The following PLEKHB2 variants were observed in gnomAD, a reference collection of about 807,000 sequenced individuals.
PLEKHB2 encodes the protein pleckstrin homology domain-containing family B member 2.
PLEKHB2 carries 31 observed loss-of-function variants against 36.5 expected under a neutral mutation model. The observed-to-expected ratio is 0.85, with a 90% confidence interval of 0.64 to 1.15. PLEKHB2 has a LOEUF of 1.15. Among genes scored for constraint, PLEKHB2 ranks in the 50% most tolerant of loss-of-function variants. The probability of loss-of-function intolerance (pLI) is 0.00; values close to 1 mark genes in which losing one functional copy is unlikely to be tolerated. For missense variants in PLEKHB2, 262 were observed against 295.3 expected (o/e 0.89, Z 0.83); for synonymous variants, 119 against 112.0 (o/e 1.06, Z -0.39).
chr2:131,141,639 CA>C (rs771541896), intron 7 of PLEKHB2, among the ~76,000 whole-genome samples: 7,136 of 57,160 alleles, frequency 0.12, 374 homozygotes, highest in African/African-American at 0.3. Context: ...GACTCCGTCT[CA>C]AAAAAAAAAA....
At position 131,146,819 on chromosome 2, in the gene PLEKHB2, C is replaced by G; in HGVS notation, c.*46C>G. The G allele has an allele frequency of 6.7e-7, 1 of 1,491,050 alleles. No individual in the cohort carries two copies. The highest frequency in any genetic ancestry group is 2.4e-5 in the East Asian group (1 of 42,418). 92.4% of individuals were successfully genotyped at this position (1,491,050 alleles called of 1,614,324 possible). On this transcript the variant is annotated 3_prime_UTR_variant, in exon 8 of 8. Coordinates refer to ENST00000693505, the MANE Select transcript of PLEKHB2 (RefSeq NM_001100623.2). ...GCATAGCTTCTGATAACCCTGTGTG[C>G]AATAATATGATTTGCAGGGCATTTC...
At chr2:131,114,186 C>T (rs1331296374) in intron 1 of PLEKHB2, among the ~76,000 whole-genome samples, 3 of 152,092 alleles carry the variant, frequency 2.0e-5, no homozygotes, top group Non-Finnish European at 4.4e-5. Context: ...AGTGCAGTGG[C>T]GTGATCTCAG....
intron 1 of PLEKHB2, among the ~76,000 whole-genome samples, chr2:131,105,998 CT>C (rs1231320504): frequency 5.3e-5 from 8 of 152,222 alleles, no homozygotes; most frequent in African/African-American, 1.4e-4. Context: ...TCCGCCCCCG[CT>C]GCATTTCACC....
chr2:131,141,926 G>A (rs977801370), intron 7 of PLEKHB2, among the ~76,000 whole-genome samples: 2 of 152,204 alleles, frequency 1.3e-5, no homozygotes, highest in African/African-American at 4.8e-5. Context: ...ATACATACAT[G>A]TAAGATTAAT....
chr2:131,125,402 C>T (rs1696989659), intron 2 of PLEKHB2, among the ~76,000 whole-genome samples: 1 of 152,238 alleles, frequency 6.6e-6, no homozygotes, highest in South Asian at 2.1e-4. Flanking sequence ...CTGTGCTCTG[C>T]TTTCCCTTTC....
intron 1 of PLEKHB2, among the ~76,000 whole-genome samples, chr2:131,105,703 C>T (rs541097863): frequency 3.3e-5 from 5 of 152,304 alleles, no homozygotes; most frequent in African/African-American, 9.6e-5. Flanking sequence ...GCTTCCCCGG[C>T]GTCCGCCTCC....
intron 7 of PLEKHB2, among the ~76,000 whole-genome samples, chr2:131,145,291 TCTG>T (rs1302760389): frequency 2.6e-5 from 4 of 152,204 alleles, no homozygotes; most frequent in Non-Finnish European, 4.4e-5. Context: ...GGGTTTCACT[TCTG>T]CTCTTCATCC....
intron 2 of PLEKHB2, among the ~76,000 whole-genome samples, chr2:131,121,475 C>G (rs1467224219): frequency 1.3e-5 from 2 of 151,914 alleles, no homozygotes; most frequent in Non-Finnish European, 2.9e-5. Context: ...CTCAAACTCC[C>G]GACCTCAGGT....
At chr2:131,146,600 C>T (rs771311963) in intron 7 of PLEKHB2, 37 bp from the exon 8 acceptor site, 41 of 1,579,134 alleles carry the variant, frequency 2.6e-5, no homozygotes, top group Admixed American at 1.4e-4. Flanking sequence ...CTTCACAAAC[C>T]GCTGCTCAGA....
intron 1 of PLEKHB2, among the ~76,000 whole-genome samples, chr2:131,109,130 C>T (rs1176210537): frequency 2.6e-5 from 4 of 152,018 alleles, no homozygotes; most frequent in African/African-American, 4.8e-5. Context: ...CCCAGGAGTT[C>T]GAGACCAGCT....
chr2:131,126,309 C>A (rs367977667), intron 3 of PLEKHB2, among the ~76,000 whole-genome samples: 1 of 152,060 alleles, frequency 6.6e-6, no homozygotes, highest in Non-Finnish European at 1.5e-5. Context: ...GGGTGGATCA[C>A]GAGGGCAGGA....
At chr2:131,118,956 T>G (rs1430703703) in intron 1 of PLEKHB2, 1 of 147,834 alleles carries the variant, frequency 6.8e-6, no homozygotes, top group Non-Finnish European at 1.5e-5. Context: ...TAACTATTGA[T>G]TTCAAAAAAT....
intron 1 of PLEKHB2, among the ~76,000 whole-genome samples, chr2:131,105,637 G>T (rs797000453): frequency 7.9e-5 from 12 of 152,036 alleles, no homozygotes; most frequent in African/African-American, 2.9e-4. Context: ...CCCTAGAGCA[G>T]CCCATTCGAG....
chr2:131,111,131 A>G (rs1695274598), intron 1 of PLEKHB2, among the ~76,000 whole-genome samples: 1 of 151,920 alleles, frequency 6.6e-6, no homozygotes, highest in Non-Finnish European at 1.5e-5. Flanking sequence ...CAGCCTGCTC[A>G]GTAGCTGGGA....
At chr2:131,132,687 C>T (rs1697829140) in intron 5 of PLEKHB2, among the ~76,000 whole-genome samples, 1 of 152,080 alleles carries the variant, frequency 6.6e-6, no homozygotes, top group South Asian at 2.1e-4. Context: ...TGTTAGGGGC[C>T]GAGTGAGGAC....
intron 7 of PLEKHB2, among the ~76,000 whole-genome samples, chr2:131,144,604 T>C (rs934414963): frequency 6.6e-6 from 1 of 152,268 alleles, no homozygotes; most frequent in Non-Finnish European, 1.5e-5. Context: ...CCATAGAAAC[T>C]GTGTCTGCCT....
intron 4 of PLEKHB2, among the ~76,000 whole-genome samples, chr2:131,128,782 G>A (rs1026948798): frequency 1.3e-5 from 2 of 152,162 alleles, no homozygotes; most frequent in African/African-American, 4.8e-5. Context: ...AAAGATTATT[G>A]ATGTCCATAA....
In PLEKHB2 at chr2:131,146,647, A is replaced by G; in HGVS notation, c.543A>G (p.Gly181=). 6.2e-7 allele frequency: 1 copy of G among 1,612,192 alleles called. No individual in the cohort carries two copies. Among genetic ancestry groups the G allele is most frequent in the Non-Finnish European group, 8.5e-7 (1 of 1,179,354 alleles). ...PYQYPYAGLY[G]QQPANQVIIR... Reference sequence around the variant, plus strand: ...TTCCTTCTCTTTTAGGACTTTATGGACAGCAGCCTGCTAACCAAGTCATCA... The same window carrying G: ...TTCCTTCTCTTTTAGGACTTTATGGGCAGCAGCCTGCTAACCAAGTCATCA... Residue 181 remains glycine, a synonymous_variant, in exon 8 of 8, where the codon GGA becomes GGG. Coordinates refer to ENST00000693505, the MANE Select transcript of PLEKHB2 (RefSeq NM_001100623.2).
At chr2:131,127,447 C>T (rs1181365429) in intron 4 of PLEKHB2, among the ~76,000 whole-genome samples, 1 of 152,216 alleles carries the variant, frequency 6.6e-6, no homozygotes, top group Non-Finnish European at 1.5e-5. Flanking sequence ...CCTTAATTCA[C>T]TATGACCTTA....
Sources: allele counts gnomAD v4.1 joint callset (sites outside exome capture counted in the v4.1 genomes callset), GRCh38; gene constraint gnomAD v4.1.1; transcripts MANE v1.5; gene names NCBI Gene and HGNC (gene_info 2026-07-23, HGNC 2026-07-21).